Variants in OSBPL10 observed in about 807,000 individuals in gnomAD.
The protein encoded by OSBPL10 is oxysterol binding protein like 10, also known as oxysterol-binding protein-related protein 10.
In OSBPL10, 49 loss-of-function variants were observed where a neutral mutation model predicts 81.7. The ratio of observed to expected loss-of-function variants is 0.60; its 90% CI spans 0.48 to 0.76. OSBPL10 has a LOEUF of 0.76. OSBPL10 is among the 30% of genes least tolerant of loss of function. The pLI, the probability that OSBPL10 is intolerant of heterozygous loss-of-function variation, is 0.00. For synonymous variants in OSBPL10, 419 were observed against 383.6 expected (o/e 1.09, Z -1.08); for missense variants, 923 against 987.8 (o/e 0.93, Z 0.88).
At chr3:32,015,050 C>G (rs1195010780) in intron 2 of OSBPL10, among the ~76,000 whole-genome samples, 26 of 152,182 alleles carry the variant, frequency 1.7e-4, no homozygotes, top group Admixed American at 1.7e-3. Context: ...AATGCCATCC[C>G]CATCAAGCTA....
At chr3:31,757,847 T>C (rs188753871) in intron 4 of OSBPL10, among the ~76,000 whole-genome samples, 23 of 152,316 alleles carry the variant, frequency 1.5e-4, no homozygotes, top group African/African-American at 4.8e-4. Context: ...AATATAATTA[T>C]AGAAGACCAG....
At position 31,981,143 on chromosome 3, in the gene OSBPL10, C is replaced by T. The variant is rs1698830855; in HGVS notation, c.37G>A (p.Gly13Ser). Residue 13 changes from glycine (G) to serine (S), a missense_variant, in exon 1 of 12, where the codon GGT (glycine) becomes AGT (serine). Transcript: ENST00000396556. This position sits in a 1 kb window ranked among gnomAD's most constrained non-coding sequence, Gnocchi z 4.5. ...CTGCTGCGGCTGCTGCTGTTGCTAC[C>T]CCCGCCGCCGTCTGTGCCCTGGACT... ...RAVQGTDGGG[G>S]SNSSSRSSSR... 5 of 1,490,744 alleles carry T rather than the reference C, an allele frequency of 3.4e-6. No homozygotes were observed. Among genetic ancestry groups the T allele is most frequent in the Non-Finnish European group, 4.4e-6 (5 of 1,125,342 alleles). 92.3% of individuals were successfully genotyped at this position (1,490,744 alleles called of 1,614,324 possible).
intron 1 of OSBPL10, among the ~76,000 whole-genome samples, chr3:31,901,830 G>A (rs1261297732): frequency 6.6e-6 from 1 of 152,150 alleles, no homozygotes; most frequent in African/African-American, 2.4e-5. Flanking sequence ...CTGAGCTCAG[G>A]AGTTCAAGAT....
intron 4 of OSBPL10, among the ~76,000 whole-genome samples, chr3:31,799,379 T>TAA (rs61157535): frequency 0.45 from 25,418 of 56,014 alleles, 7,325 homozygotes; most frequent in East Asian, 0.58. Context: ...CCTATCTCTT[T>TAA]AAAAAAAAAA....
intron 1 of OSBPL10, chr3:31,960,386 G>A (rs1263844558): frequency 6.6e-6 from 1 of 152,156 alleles, no homozygotes; most frequent in Non-Finnish European, 1.5e-5. Flanking sequence ...CCAGAACCCT[G>A]CATTCAGGGT....
chr3:32,026,264 G>T (rs1195913438), intron 2 of OSBPL10, among the ~76,000 whole-genome samples: 1 of 151,966 alleles, frequency 6.6e-6, no homozygotes, highest in Non-Finnish European at 1.5e-5. Flanking sequence ...AACCTCCCAA[G>T]TAGCTAGGAC....
intron 3 of OSBPL10, among the ~76,000 whole-genome samples, chr3:31,831,529 C>T (rs1700241596): frequency 6.6e-6 from 1 of 151,822 alleles, no homozygotes; most frequent in Non-Finnish European, 1.5e-5. Context: ...CAGCAAAGCC[C>T]AACTATAAAC....
chr3:32,042,145 C>G (rs201581757), intron 2 of OSBPL10, among the ~76,000 whole-genome samples: 1 of 152,168 alleles, frequency 6.6e-6, no homozygotes, highest in South Asian at 2.1e-4. Context: ...AGGCCTCATA[C>G]AATAATAGCC....
intron 4 of OSBPL10, among the ~76,000 whole-genome samples, chr3:31,826,947 T>C (rs1442251001): frequency 1.3e-5 from 2 of 152,232 alleles, no homozygotes; most frequent in African/African-American, 2.4e-5. Context: ...TTGGCACTTA[T>C]ATGTCAACAA....
chr3:32,043,119 C>A (rs377416859), intron 2 of OSBPL10, among the ~76,000 whole-genome samples: 2 of 152,138 alleles, frequency 1.3e-5, no homozygotes, highest in Non-Finnish European at 2.9e-5. Context: ...CTTATCTCAA[C>A]TGCATAAGAC....
At chr3:31,888,872 C>T (rs1056834094) in intron 1 of OSBPL10, among the ~76,000 whole-genome samples, 1 of 151,942 alleles carries the variant, frequency 6.6e-6, no homozygotes, top group African/African-American at 2.4e-5. Flanking sequence ...TGCAGTGAGC[C>T]GAGATCACGT....
At chr3:31,678,760 T>C (rs1243737335) in intron 8 of OSBPL10, among the ~76,000 whole-genome samples, 1 of 142,528 alleles carries the variant, frequency 7.0e-6, no homozygotes, top group East Asian at 2.0e-4. Context: ...AAGCACTTAC[T>C]CTGACTAATC....
intron 3 of OSBPL10, among the ~76,000 whole-genome samples, chr3:31,871,997 T>TC (rs1457801855): frequency 1.3e-5 from 2 of 152,220 alleles, no homozygotes; most frequent in African/African-American, 4.8e-5. Flanking sequence ...CAACACTTTC[T>TC]CCATCAATGC....
chr3:31,827,148 A>G (rs1281929014), intron 4 of OSBPL10, among the ~76,000 whole-genome samples: 2 of 152,144 alleles, frequency 1.3e-5, no homozygotes, highest in East Asian at 1.9e-4. Flanking sequence ...CCTGGCCTCA[A>G]GCAATCCTCT....
chr3:31,942,076 C>T (rs1255381321), intron 1 of OSBPL10, among the ~76,000 whole-genome samples: 1 of 151,792 alleles, frequency 6.6e-6, no homozygotes, highest in East Asian at 1.9e-4. Context: ...AGATTGAGAC[C>T]ATCCTGGCTA....
intron 1 of OSBPL10, among the ~76,000 whole-genome samples, chr3:32,072,389 C>A (rs1301559547): frequency 1.3e-5 from 2 of 152,096 alleles, no homozygotes; most frequent in African/African-American, 4.8e-5. Context: ...GCCAGTTTTT[C>A]TCCTTCTCAT....
At chr3:31,891,999 G>A (rs1695906303) in intron 1 of OSBPL10, among the ~76,000 whole-genome samples, 1 of 152,092 alleles carries the variant, frequency 6.6e-6, no homozygotes, top group South Asian at 2.1e-4. Flanking sequence ...TAACGGGGGA[G>A]GGAAGCAGAG....
intron 2 of OSBPL10, among the ~76,000 whole-genome samples, chr3:32,025,014 A>AGCT (rs1699391499): frequency 6.6e-6 from 1 of 152,212 alleles, no homozygotes; most frequent in African/African-American, 2.4e-5. Context: ...TATACTGGCT[A>AGCT]GAACCTCCAG....
chr3:31,895,281 G>A (rs931444163), intron 1 of OSBPL10, among the ~76,000 whole-genome samples: 19 of 151,224 alleles, frequency 1.3e-4, no homozygotes, highest in African/African-American at 2.2e-4. Flanking sequence ...ACAGGCACCC[G>A]TCACCACGCC....
Sources: allele counts gnomAD v4.1 joint callset (sites outside exome capture counted in the v4.1 genomes callset), GRCh38; gene constraint gnomAD v4.1.1; non-coding constraint Gnocchi (gnomAD v3.1); transcripts MANE v1.5; gene names NCBI Gene and HGNC (gene_info 2026-07-23, HGNC 2026-07-21).